Variants in MTUS1 observed in about 807,000 individuals in gnomAD.
The protein encoded by MTUS1 is microtubule-associated tumor suppressor 1.
Under a neutral mutation model 120.8 loss-of-function variants are expected in MTUS1, and 109 were observed. The observed-to-expected ratio is 0.90, with a 90% CI of 0.77 to 1.06. The LOEUF (loss-of-function observed/expected upper bound fraction) is 1.06, where lower values mean the gene tolerates loss of function less well. Ranked by LOEUF, MTUS1 falls within the 50% of genes least tolerant of loss-of-function variation. The pLI, the probability that MTUS1 is intolerant of heterozygous loss-of-function variation, is 0.00. For synonymous variants in MTUS1, 737 were observed against 550.5 expected (o/e 1.34, Z -4.74); for missense variants, 2,210 against 1,486.3 (o/e 1.49, Z -8.01).
At chr8:17,689,445 T>A (rs1816519299) in intron 6 of MTUS1, among the ~76,000 whole-genome samples, 1 of 152,206 alleles carries the variant, frequency 6.6e-6, no homozygotes, top group African/African-American at 2.4e-5. Flanking sequence ...ATATAAAAAA[T>A]TCCTGTTTGG....
At chr8:17,706,447 G>T (rs1486699148) in intron 6 of MTUS1, among the ~76,000 whole-genome samples, 1 of 152,084 alleles carries the variant, frequency 6.6e-6, no homozygotes, top group East Asian at 1.9e-4. Context: ...ATGAGATAAT[G>T]TAATTTCTTT....
intron 6 of MTUS1, among the ~76,000 whole-genome samples, chr8:17,686,715 G>A (rs892266733): frequency 6.6e-6 from 1 of 152,080 alleles, no homozygotes; most frequent in Non-Finnish European, 1.5e-5. Flanking sequence ...ATATTTTGGA[G>A]AAAATATTCT....
In MTUS1 at chr8:17,743,749, A is replaced by AG; in HGVS notation, c.2141dup (p.Asp715Ter). ...CTATTTGCCTCAAACCGCAGGAGTC[A>AG]GGCTTGGATATATTCCTACCTGAGG... On this transcript the variant is annotated frameshift_variant, in exon 3 of 15. Transcript: ENST00000693296. LOFTEE classifies it high-confidence loss of function. 6.2e-7 allele frequency: 1 copy of AG among 1,614,196 alleles called. No homozygotes were observed. Among genetic ancestry groups the AG allele is most frequent in the Non-Finnish European group, 8.5e-7 (1 of 1,180,034 alleles).
intron 6 of MTUS1, among the ~76,000 whole-genome samples, chr8:17,704,977 G>C (rs535500010): frequency 6.6e-6 from 1 of 151,896 alleles, no homozygotes. Context: ...TGTTTCTAAT[G>C]ATTTTTATTC....
chr8:17,670,942 C>G (rs756609264), intron 8 of MTUS1, among the ~76,000 whole-genome samples: 10 of 151,964 alleles, frequency 6.6e-5, no homozygotes, highest in Non-Finnish European at 1.3e-4. Flanking sequence ...CTAGTTCAGA[C>G]AAAACCTTTG....
chr8:17,784,486 A>T (rs1700716081), intron 1 of MTUS1, among the ~76,000 whole-genome samples: 2 of 152,006 alleles, frequency 1.3e-5, no homozygotes, highest in South Asian at 4.1e-4. Context: ...GTGGAGATGA[A>T]GTATCACCAT....
rs976497699 is a variant in MTUS1 at position 17,645,781 on chromosome 8, G to A, written c.*145C>T. The A allele has an allele frequency of 3.5e-5, 37 of 1,064,066 alleles. No homozygotes were observed. The highest frequency in any genetic ancestry group is 4.1e-5 in the Non-Finnish European group (32 of 789,364). The allele number at this position is 1,064,066 out of a possible 1,614,324, so 65.9% of individuals were successfully genotyped here. On this transcript the variant is annotated 3_prime_UTR_variant, in exon 15 of 15. Transcript: ENST00000693296. ...CCAGAGTTCCAGTCTCAGAAGCTGCGATTCCGCCGGTGGTGACGCTCCAGT... is the reference window on the plus strand; with the variant it reads ...CCAGAGTTCCAGTCTCAGAAGCTGCAATTCCGCCGGTGGTGACGCTCCAGT...
chr8:17,801,336 C>G (rs1175924214), upstream of MTUS1: 2 of 151,842 alleles, frequency 1.3e-5, no homozygotes, highest in Non-Finnish European at 2.9e-5. Context: ...ACTCGGGCCT[C>G]CCGCCCCAAC....
intron 3 of MTUS1, among the ~76,000 whole-genome samples, chr8:17,736,787 C>G (rs2046963382): frequency 6.6e-6 from 1 of 151,962 alleles, no homozygotes; most frequent in Non-Finnish European, 1.5e-5. Flanking sequence ...GTTTCACCAT[C>G]TTGGCCAGGC....
intron 3 of MTUS1, among the ~76,000 whole-genome samples, chr8:17,731,755 T>G (rs1374418247): frequency 6.6e-6 from 1 of 152,226 alleles, no homozygotes; most frequent in African/African-American, 2.4e-5. Flanking sequence ...CAAATATAAG[T>G]GAGCGAAAGC....
At chr8:17,713,176 A>T (rs1394729121) in intron 6 of MTUS1, 38 bp downstream of exon 6, 4 of 1,517,778 alleles carry the variant, frequency 2.6e-6, no homozygotes, top group Non-Finnish European at 3.6e-6. Flanking sequence ...CTTTACAAAA[A>T]GATTCTTTTT....
intron 7 of MTUS1, among the ~76,000 whole-genome samples, chr8:17,679,268 A>G (rs1813770358): frequency 6.6e-6 from 1 of 152,046 alleles, no homozygotes; most frequent in Admixed American, 6.6e-5. Context: ...ATGTATAGGT[A>G]TATCATGTAT....
At chr8:17,790,970 A>G (rs545664062) in intron 1 of MTUS1, among the ~76,000 whole-genome samples, 96 of 152,274 alleles carry the variant, frequency 6.3e-4, no homozygotes, top group African/African-American at 2.2e-3. Context: ...TGGGTGACAA[A>G]GCAAACTATC....
rs1234265186 is a variant in MTUS1, at chr8:17,666,101, T to C, written c.2905+9085A>G. ...CTGCAGAACAGATGCTTTTTTTTTTTTTTTTTTTTTTTTAAATCACAACAG... is the reference window on the plus strand; with the variant it reads ...CTGCAGAACAGATGCTTTTTTTTTTCTTTTTTTTTTTTTAAATCACAACAG... On this transcript the variant is annotated intron_variant, in intron 8 of 14. Coordinates refer to ENST00000693296, the MANE Select transcript of MTUS1 (RefSeq NM_001363059.2). Among the ~76,000 whole-genome samples, 1,146 of 145,540 alleles carry C rather than the reference T, an allele frequency of 7.9e-3. 19 individuals are homozygous for C. The highest frequency in any genetic ancestry group is 0.03 in the African/African-American group (1,099 of 36,194).
intron 6 of MTUS1, among the ~76,000 whole-genome samples, chr8:17,710,737 G>C (rs554637145): frequency 2.8e-4 from 42 of 152,262 alleles, no homozygotes; most frequent in African/African-American, 7.2e-4. Context: ...TCCATCAGAG[G>C]AATCAGTATC....
At chr8:17,793,577 C>G (rs2131593576) in intron 1 of MTUS1, among the ~76,000 whole-genome samples, 1 of 152,142 alleles carries the variant, frequency 6.6e-6, no homozygotes, top group African/African-American at 2.4e-5. Flanking sequence ...AAAAATGTAC[C>G]CAGCATCCGA....
Position 17,663,264 on chromosome 8 carries a change from G to C in MTUS1, c.2906-7199C>G, listed in dbSNP as rs892901892. On this transcript the variant is annotated intron_variant, in intron 8 of 14. Coordinates refer to ENST00000693296, the MANE Select transcript of MTUS1 (RefSeq NM_001363059.2). ...TAGTCCTCATGGCTTTTTCTCAGAGGGGAAGGTCAGACTTTTATTATTTCC... is the reference window on the plus strand; with the variant it reads ...TAGTCCTCATGGCTTTTTCTCAGAGCGGAAGGTCAGACTTTTATTATTTCC... Among the ~76,000 whole-genome samples the C allele has an allele frequency of 4.6e-5, 7 of 152,226 alleles. No homozygotes were observed. The East Asian group carries it at 1.4e-3, about 29-fold the overall frequency.
intron 1 of MTUS1, among the ~76,000 whole-genome samples, chr8:17,769,746 G>A (rs77195048): frequency 2.0e-5 from 3 of 152,048 alleles, no homozygotes; most frequent in Non-Finnish European, 1.5e-5. Context: ...ACAAAGTTGT[G>A]TTTCCCTCAA....
In MTUS1 at chr8:17,653,412, G is replaced by A; in HGVS notation, c.3288+13C>T. 2.5e-6 allele frequency: 4 copies of A among 1,594,018 alleles called. No homozygotes were observed. Among genetic ancestry groups the A allele is most frequent in the Non-Finnish European group, 3.4e-6 (4 of 1,168,636 alleles). Reference sequence around the variant, plus strand: ...TTTTTGTGGGGGATACTGGGATATTGACATTCACCCACCTCTAGCGATTCC... The same window carrying A: ...TTTTTGTGGGGGATACTGGGATATTAACATTCACCCACCTCTAGCGATTCC... On this transcript the variant is annotated intron_variant, in intron 11 of 14. Coordinates refer to ENST00000693296, the MANE Select transcript of MTUS1 (RefSeq NM_001363059.2).
Sources: allele counts gnomAD v4.1 joint callset (sites outside exome capture counted in the v4.1 genomes callset), GRCh38; gene constraint gnomAD v4.1.1; transcripts MANE v1.5; gene names NCBI Gene and HGNC (gene_info 2026-07-23, HGNC 2026-07-21).